The following CPAMD8 variants were observed in gnomAD, a reference collection of about 807,000 sequenced individuals.
The protein encoded by CPAMD8 is C3 and PZP like alpha-2-macroglobulin domain containing 8, also known as C3 and PZP-like alpha-2-macroglobulin domain-containing protein 8.
CPAMD8 carries 146 observed loss-of-function variants against 224.7 expected under a neutral mutation model. That is an observed-to-expected ratio of 0.65 (90% CI 0.57 to 0.75). CPAMD8 has a LOEUF of 0.75. CPAMD8 is among the 30% of genes least tolerant of loss of function. The pLI is 0.00. For missense variants in CPAMD8, 2,301 were observed against 2,537.5 expected (o/e 0.91, Z 2.00); for synonymous variants, 966 against 1,044.6 (o/e 0.92, Z 1.45).
intron 3 of CPAMD8, among the ~76,000 whole-genome samples, chr19:17,015,867 C>T (rs369909620): frequency 2.0e-4 from 30 of 152,166 alleles, no homozygotes; most frequent in Non-Finnish European, 3.7e-4. Flanking sequence ...CGACCCCAAA[C>T]GGCAGCCCCT....
chr19:17,015,472 T>C (rs760160808), intron 3 of CPAMD8, among the ~76,000 whole-genome samples: 22 of 152,214 alleles, frequency 1.4e-4, no homozygotes, highest in Middle Eastern at 3.4e-3. Context: ...CCCCGCTCTC[T>C]GAAGCCACAC....
chr19:16,974,378 T>C (rs2055180306), intron 17 of CPAMD8, among the ~76,000 whole-genome samples: 1 of 151,798 alleles, frequency 6.6e-6, no homozygotes, highest in African/African-American at 2.4e-5. Context: ...GGATCACCTA[T>C]GCAGTTCAGA....
chr19:16,952,383 A>G (rs935358917), intron 19 of CPAMD8, among the ~76,000 whole-genome samples, 183 bp from the exon 20 acceptor site: 2 of 152,176 alleles, frequency 1.3e-5, no homozygotes, highest in Non-Finnish European at 2.9e-5. Context: ...CCCTGACTCT[A>G]ATAGAAAACA....
intron 32 of CPAMD8, 27 bp downstream of exon 32, chr19:16,904,199 C>T: frequency 6.4e-7 from 1 of 1,555,644 alleles, no homozygotes; most frequent in South Asian, 1.2e-5. Flanking sequence ...AGCCCTGAGC[C>T]CCTCCCTCTG....
At chr19:17,020,021 C>T (rs1329062793) in intron 3 of CPAMD8, among the ~76,000 whole-genome samples, 1 of 131,862 alleles carries the variant, frequency 7.6e-6, no homozygotes, top group Non-Finnish European at 1.5e-5. Flanking sequence ...GTTGCCCAGG[C>T]TGGAGTGCAA....
At chr19:17,017,417 GA>G (rs1408220174) in intron 3 of CPAMD8, among the ~76,000 whole-genome samples, 3 of 152,276 alleles carry the variant, frequency 2.0e-5, no homozygotes, top group Admixed American at 6.5e-5. Flanking sequence ...CTGGTCCGTG[GA>G]AAAAACTGTC....
chr19:17,003,972 T>C (rs1447283276), intron 8 of CPAMD8, among the ~76,000 whole-genome samples: 1 of 151,402 alleles, frequency 6.6e-6, no homozygotes, highest in Non-Finnish European at 1.5e-5. Flanking sequence ...AGTAGTGCGA[T>C]CTTGGCTCAC....
At chr19:16,931,241 G>T (rs2144979903) in intron 23 of CPAMD8, among the ~76,000 whole-genome samples, 1 of 152,300 alleles carries the variant, frequency 6.6e-6, no homozygotes, top group African/African-American at 2.4e-5. Flanking sequence ...GCCTGAGATA[G>T]GTCGGCCCAG....
At chr19:16,952,404 G>C (rs764093757) in intron 19 of CPAMD8, among the ~76,000 whole-genome samples, 7 of 152,192 alleles carry the variant, frequency 4.6e-5, no homozygotes, top group African/African-American at 1.7e-4. Flanking sequence ...TGGGCTGGGC[G>C]CAGTGGCTCA....
chr19:16,946,918 T>C (rs527382024), intron 21 of CPAMD8, among the ~76,000 whole-genome samples, 156 bp downstream of exon 21: 1 of 152,248 alleles, frequency 6.6e-6, no homozygotes, highest in East Asian at 1.9e-4. Context: ...GCCCATTCCT[T>C]CTGTCCTGCT....
rs548267863 is a variant in CPAMD8, at chr19:16,993,181, T to C, written c.1266+235A>G. On this transcript the variant is annotated intron_variant, in intron 12 of 41. Transcript: ENST00000443236. ...ATGGTCAGGAGTCCATTTGGAGAGA[T>C]CTCCTTGGACAAGACTCCTTTGGCA... Among the ~76,000 whole-genome samples the C allele has an allele frequency of 9.9e-5, 15 of 152,252 alleles. No homozygotes were observed. In the South Asian group the frequency reaches 2.9e-3, roughly 29 times the overall value.
chr19:16,949,374 G>A (rs1425205757), intron 20 of CPAMD8, among the ~76,000 whole-genome samples: 1 of 152,036 alleles, frequency 6.6e-6, no homozygotes, highest in African/African-American at 2.4e-5. Context: ...TACAGGTCAG[G>A]GCATAGTCTG....
At chr19:16,967,816 T>A (rs12974941) in intron 18 of CPAMD8, among the ~76,000 whole-genome samples, 103,601 of 139,334 alleles carry the variant, frequency 0.74, 37,477 homozygotes, top group African/African-American at 0.86. Context: ...CTCACCAAAA[T>A]ATATATATAT....
At chr19:17,000,636 C>T (rs2056281101) in intron 9 of CPAMD8, 114 bp from the exon 10 acceptor site, 1 of 616,256 alleles carries the variant, frequency 1.6e-6, no homozygotes, top group African/African-American at 1.8e-5. Context: ...ATGGATGCAG[C>T]TCCCTCCACA....
intron 23 of CPAMD8, among the ~76,000 whole-genome samples, chr19:16,936,988 C>T (rs2053706872): frequency 6.7e-6 from 1 of 148,418 alleles, no homozygotes; most frequent in African/African-American, 2.5e-5. Context: ...TTTCTTTCTC[C>T]TTCCTTCCTT....
At chr19:16,949,972 C>CT (rs2054246118) in intron 20 of CPAMD8, among the ~76,000 whole-genome samples, 1 of 152,148 alleles carries the variant, frequency 6.6e-6, no homozygotes, top group African/African-American at 2.4e-5. Flanking sequence ...ATCACAGACC[C>CT]TTCTTCCTTG....
intron 20 of CPAMD8, among the ~76,000 whole-genome samples, chr19:16,947,893 G>A (rs915978049): frequency 6.6e-6 from 1 of 152,208 alleles, no homozygotes; most frequent in African/African-American, 2.4e-5. Context: ...GGGTACAGAG[G>A]TGCTATGGAT....
chr19:16,965,831 T>A (rs1368657843), intron 18 of CPAMD8, among the ~76,000 whole-genome samples: 3 of 151,922 alleles, frequency 2.0e-5, no homozygotes, highest in Non-Finnish European at 4.4e-5. Flanking sequence ...CACTGCTCAA[T>A]GAAATAAAAG....
At chr19:16,957,178 C>T (rs1047791060) in intron 19 of CPAMD8, among the ~76,000 whole-genome samples, 2 of 152,206 alleles carry the variant, frequency 1.3e-5, no homozygotes, top group African/African-American at 4.8e-5. Context: ...GAGGGGCCCC[C>T]AGCTGCGTGC....
Sources: gnomAD v4.1 joint callset for allele counts (sites outside exome capture counted in the v4.1 genomes callset) on GRCh38, gnomAD v4.1.1 for gene constraint, MANE v1.5 for transcripts, NCBI Gene and HGNC (gene_info 2026-07-23, HGNC 2026-07-21) for gene names.